The following TAF3 variants were observed in gnomAD, a reference collection of about 807,000 sequenced individuals.
TAF3 encodes TATA-box binding protein associated factor 3, also known as transcription initiation factor TFIID subunit 3.
Under a neutral mutation model 80.6 loss-of-function variants are expected in TAF3, and 7 were observed. That is an observed-to-expected ratio of 0.09 (90% CI 0.05 to 0.16). The LOEUF (loss-of-function observed/expected upper bound fraction) is 0.16, where lower values mean the gene tolerates loss of function less well. Among genes scored for constraint, TAF3 ranks in the 10% least tolerant of loss-of-function variants. The pLI, the probability that TAF3 is intolerant of heterozygous loss-of-function variation, is 1.00. For missense variants in TAF3, 921 were observed against 1,140.2 expected, an observed-to-expected ratio of 0.81 and a Z score of 2.77; for synonymous variants, 444 against 446.1, an observed-to-expected ratio of 1.00 and a Z score of 0.06.
chr10:7,922,293 G>A (rs1214797744), intron 2 of TAF3, among the ~76,000 whole-genome samples: 1 of 152,038 alleles, frequency 6.6e-6, no homozygotes, highest in Non-Finnish European at 1.5e-5. Flanking sequence ...GGGTCCTAAT[G>A]TGGTAGATTT....
intron 2 of TAF3, among the ~76,000 whole-genome samples, chr10:7,838,491 C>T (rs1362053983): frequency 6.6e-6 from 1 of 152,118 alleles, no homozygotes; most frequent in Non-Finnish European, 1.5e-5. Context: ...GAGCGATTCT[C>T]CTGCCTTAGC....
At chr10:7,970,732 T>A (rs1831613916) in intron 3 of TAF3, among the ~76,000 whole-genome samples, 1 of 152,244 alleles carries the variant, frequency 6.6e-6, no homozygotes, top group South Asian at 2.1e-4. Context: ...ATTAAAAATT[T>A]TAATGTTTCT....
At chr10:7,984,763 T>G (rs1831760700) in intron 4 of TAF3, among the ~76,000 whole-genome samples, 1 of 152,214 alleles carries the variant, frequency 6.6e-6, no homozygotes, top group South Asian at 2.1e-4. Context: ...TAGAAAAAGC[T>G]GATGTGGACT....
intron 2 of TAF3, among the ~76,000 whole-genome samples, chr10:7,891,431 T>A (rs1371032255): frequency 6.6e-6 from 1 of 152,254 alleles, no homozygotes; most frequent in Non-Finnish European, 1.5e-5. Context: ...TAGTTATTTT[T>A]AAATGACTAT....
At chr10:7,832,380 T>C (rs1339707171) in intron 2 of TAF3, among the ~76,000 whole-genome samples, 4 of 130,368 alleles carry the variant, frequency 3.1e-5, no homozygotes, top group African/African-American at 1.2e-4. Context: ...TTTCCTTCTT[T>C]TTTTAAAGGC....
At chr10:7,938,776 C>T (rs1310971551) in intron 2 of TAF3, among the ~76,000 whole-genome samples, 4 of 152,036 alleles carry the variant, frequency 2.6e-5, no homozygotes, top group African/African-American at 7.3e-5. Flanking sequence ...ATGAAACTGC[C>T]GAATGTTAAG....
chr10:7,963,782 C>A, intron 2 of TAF3, 138 bp from the exon 3 acceptor site: 1 of 868,404 alleles, frequency 1.2e-6, no homozygotes, highest in Non-Finnish European at 1.7e-6. Context: ...ATGTTGTGCC[C>A]ATGTACCCTA....
chr10:7,818,725 T>C lies in TAF3; in HGVS notation c.16T>C (p.Ser6Pro). The change falls in exon 1 of 7, where the codon TCC becomes CCC. Residue 6 changes from serine to proline, a missense_variant. Ser to Pro is a moderately conservative substitution (Grantham distance 74, BLOSUM62 -1). Around this residue, in one of 6 missense-constraint regions of TAF3, gnomAD observed 106 missense variants for 191.8 expected, o/e 0.55. Transcript: ENST00000344293. ...ACGCAGCGGGATGTGCGAGAGTTAC[T>C]CCAGGTCGTTGTTGAGGGTCTCGGT... MCESY[S>P]RSLLRVSVAQ... 1 of 1,605,564 alleles carries C rather than the reference T, an allele frequency of 6.2e-7. No individual in the cohort carries two copies. Among genetic ancestry groups the C allele is most frequent in the Non-Finnish European group, 8.5e-7 (1 of 1,177,494 alleles).
At chr10:7,920,192 G>C (rs1308531717) in intron 2 of TAF3, among the ~76,000 whole-genome samples, 1 of 152,064 alleles carries the variant, frequency 6.6e-6, no homozygotes, top group Non-Finnish European at 1.5e-5. Flanking sequence ...GATCGAGGCT[G>C]CAAGTGAGAT....
intron 2 of TAF3, among the ~76,000 whole-genome samples, chr10:7,854,210 A>G (rs1041961919): frequency 6.6e-6 from 1 of 152,242 alleles, no homozygotes; most frequent in Non-Finnish European, 1.5e-5. Context: ...AATATATTCA[A>G]GGCTCATGAG....
chr10:7,927,088 C>T (rs952714564), intron 2 of TAF3, among the ~76,000 whole-genome samples: 3 of 152,132 alleles, frequency 2.0e-5, no homozygotes, highest in Non-Finnish European at 4.4e-5. Context: ...GATAAAGAAA[C>T]AAGCACTGGT....
intron 2 of TAF3, among the ~76,000 whole-genome samples, chr10:7,881,631 G>A (rs529792320): frequency 1.6e-4 from 24 of 152,128 alleles, no homozygotes; most frequent in Non-Finnish European, 3.1e-4. Flanking sequence ...ATTTCTAGGG[G>A]GCCCCTTGAA....
At position 7,860,804 on chromosome 10, in the gene TAF3, C is replaced by CTTTCT. The variant is rs1554778133; in HGVS notation, c.409+36247_409+36248insCTTTT. ...CTTTTCTTTCTTTCTTTCTTTCTTT[C>CTTTCT]TTTTTTTTTTTTTGAAATAGAGTCT... On this transcript the variant is annotated intron_variant, in intron 2 of 6. Transcript: ENST00000344293. Among the ~76,000 whole-genome samples the CTTTCT allele has an allele frequency of 6.7e-5, 8 of 119,134 alleles. No homozygotes were observed. The East Asian group carries it at 8.4e-4, about 12-fold the overall frequency. The allele number at this position is 119,134 out of a possible 152,430, so 78.2% of individuals were successfully genotyped here.
intron 2 of TAF3, among the ~76,000 whole-genome samples, chr10:7,919,424 G>A (rs1046641490): frequency 2.6e-5 from 4 of 152,120 alleles, no homozygotes; most frequent in Non-Finnish European, 4.4e-5. Flanking sequence ...CATTGTACAC[G>A]TGAGCAAGGT....
At chr10:7,850,687 AT>A (rs983317220) in intron 2 of TAF3, among the ~76,000 whole-genome samples, 9 of 101,472 alleles carry the variant, frequency 8.9e-5, no homozygotes, top group African/African-American at 2.9e-4. Context: ...AAAAAAAAAA[AT>A]ATATATGTAT....
intron 2 of TAF3, among the ~76,000 whole-genome samples, chr10:7,884,251 G>C (rs947957275): frequency 6.6e-6 from 1 of 152,242 alleles, no homozygotes; most frequent in African/African-American, 2.4e-5. Flanking sequence ...AGCCCCTCAA[G>C]CTCCCTCCTA....
At chr10:7,868,544 A>G (rs1837236724) in intron 2 of TAF3, among the ~76,000 whole-genome samples, 1 of 152,236 alleles carries the variant, frequency 6.6e-6, no homozygotes. Context: ...TGGCTAATCC[A>G]TGTGCCTTGT....
intron 2 of TAF3, among the ~76,000 whole-genome samples, chr10:7,940,612 T>G (rs141606729): frequency 1.3e-5 from 2 of 152,308 alleles, no homozygotes; most frequent in African/African-American, 2.4e-5. Context: ...GAATTATTAT[T>G]TGAGACAGTT....
At chr10:7,973,346 A>G (rs1432482308) in intron 3 of TAF3, among the ~76,000 whole-genome samples, 5 of 152,250 alleles carry the variant, frequency 3.3e-5, no homozygotes, top group African/African-American at 9.6e-5. Flanking sequence ...GAATGCGTAC[A>G]TGCTAGTGTT....
Sources: allele counts gnomAD v4.1 joint callset (sites outside exome capture counted in the v4.1 genomes callset), GRCh38; gene constraint gnomAD v4.1.1; regional missense constraint gnomAD v4.1.1; transcripts MANE v1.5; gene names NCBI Gene and HGNC (gene_info 2026-07-23, HGNC 2026-07-21).